The following SAMD5 variants were observed in gnomAD, a reference collection of about 807,000 sequenced individuals.
SAMD5 encodes sterile alpha motif domain containing 5, also known as sterile alpha motif domain-containing protein 5.
A neutral mutation model predicts 11.3 loss-of-function variants in SAMD5; 13 were observed. The observed-to-expected ratio is 1.15, with a 90% CI of 0.75 to 1.83. The LOEUF (loss-of-function observed/expected upper bound fraction) is 1.83, where lower values mean the gene tolerates loss of function less well. Among genes scored for constraint, SAMD5 ranks in the 40% most tolerant of loss-of-function variants. The pLI, the probability that SAMD5 is intolerant of heterozygous loss-of-function variation, is 0.00. For synonymous variants in SAMD5, 129 were observed against 111.3 expected (o/e 1.16, Z -1.00); for missense variants, 255 against 239.1 (o/e 1.07, Z -0.44).
chr6:147,622,940 A>G (rs1250516309), intron 1 of SAMD5, among the ~76,000 whole-genome samples: 1 of 152,186 alleles, frequency 6.6e-6, no homozygotes, highest in African/African-American at 2.4e-5. Context: ...TAAAACCATC[A>G]GACCTTGTGA....
At chr6:147,654,194 G>A (rs1191633727) in intron 1 of SAMD5, among the ~76,000 whole-genome samples, 3 of 152,148 alleles carry the variant, frequency 2.0e-5, no homozygotes, top group Non-Finnish European at 4.4e-5. Context: ...AGCCATAAAA[G>A]GAACAATGTT....
chr6:147,806,324 A>G, the SAMD5 span, among the ~76,000 whole-genome samples: 2 of 152,208 alleles, frequency 1.3e-5, no homozygotes, highest in East Asian at 1.9e-4. Flanking sequence ...GCGCGCACAC[A>G]CACACACACT....
At chr6:147,726,853 T>C (rs1456679050) in intron 1 of SAMD5, among the ~76,000 whole-genome samples, 1 of 152,224 alleles carries the variant, frequency 6.6e-6, no homozygotes, top group African/African-American at 2.4e-5. Context: ...AACAGCTCCA[T>C]GCTATTATTT....
intron 1 of SAMD5, among the ~76,000 whole-genome samples, chr6:147,547,089 T>G (rs1788699050): frequency 6.6e-6 from 1 of 152,232 alleles, no homozygotes; most frequent in African/African-American, 2.4e-5. Context: ...CTCTTTTCTT[T>G]TGTGAGAATT....
chr6:147,613,658 T>C (rs914558777), intron 1 of SAMD5, among the ~76,000 whole-genome samples: 2 of 151,242 alleles, frequency 1.3e-5, no homozygotes, highest in African/African-American at 4.9e-5. Flanking sequence ...AATGGACATA[T>C]AAGGCAGAGA....
At chr6:147,677,473 TGA>T (rs939175608) in intron 1 of SAMD5, among the ~76,000 whole-genome samples, 19 of 151,990 alleles carry the variant, frequency 1.3e-4, no homozygotes. Context: ...ACTTTGAGCT[TGA>T]GGAAAATTAA....
At chr6:147,941,410 G>C in the SAMD5 span, among the ~76,000 whole-genome samples, 3 of 152,202 alleles carry the variant, frequency 2.0e-5, no homozygotes, top group Non-Finnish European at 2.9e-5. Flanking sequence ...TATGAAGCTG[G>C]AACCCTCCCT....
the SAMD5 span, among the ~76,000 whole-genome samples, chr6:147,928,127 C>G: frequency 3.9e-5 from 6 of 152,098 alleles, no homozygotes; most frequent in East Asian, 1.2e-3. Context: ...CTGATGTGTT[C>G]TTTTTTTGGT....
intron 1 of SAMD5, among the ~76,000 whole-genome samples, chr6:147,634,753 G>A (rs1790200515): frequency 1.3e-5 from 2 of 152,146 alleles, no homozygotes; most frequent in African/African-American, 4.8e-5. Flanking sequence ...ATTCGATACT[G>A]TTGAACTGAT....
intron 1 of SAMD5, among the ~76,000 whole-genome samples, chr6:147,583,614 G>T (rs1221857083): frequency 6.6e-6 from 1 of 152,150 alleles, no homozygotes; most frequent in Non-Finnish European, 1.5e-5. Flanking sequence ...CTACTTGGAA[G>T]ATAGATCTAG....
At chr6:147,918,191 A>G in the SAMD5 span, among the ~76,000 whole-genome samples, 1 of 152,158 alleles carries the variant, frequency 6.6e-6, no homozygotes, top group Non-Finnish European at 1.5e-5. Flanking sequence ...CTTCCTAACC[A>G]TGAGCATGGA....
At chr6:147,681,436 C>T (rs1178164771) in intron 1 of SAMD5, among the ~76,000 whole-genome samples, 1 of 151,944 alleles carries the variant, frequency 6.6e-6, no homozygotes, top group African/African-American at 2.4e-5. Flanking sequence ...CAGTTGTTCC[C>T]TGTTTTCTTG....
chr6:147,645,151 C>A (rs1357179701), intron 1 of SAMD5, among the ~76,000 whole-genome samples: 1 of 152,106 alleles, frequency 6.6e-6, no homozygotes, highest in Non-Finnish European at 1.5e-5. Flanking sequence ...CAGGCTGGGG[C>A]AACCCCACAC....
chr6:147,530,088 T>C lies in SAMD5; in HGVS notation c.459+20701T>C, dbSNP rs547279732. Among the ~76,000 whole-genome samples the C allele has an allele frequency of 7.3e-3, 1,110 of 152,308 alleles. 7 individuals are homozygous for C. The highest frequency in any genetic ancestry group is 0.011 in the Non-Finnish European group (751 of 68,022). On this transcript the variant is annotated intron_variant, in intron 1 of 1. Transcript: ENST00000367474. ...TTTACCATATATGGGGACGATTTTT[T>C]CCCCCTGGTATTTAGGCTTTGCGTA...
At chr6:147,664,260 A>C (rs187603787) in intron 1 of SAMD5, among the ~76,000 whole-genome samples, 2 of 152,280 alleles carry the variant, frequency 1.3e-5, no homozygotes, top group African/African-American at 2.4e-5. Context: ...GAGACTAAAA[A>C]ATCTGATTTT....
At chr6:147,776,720 C>T in the SAMD5 span, among the ~76,000 whole-genome samples, 10 of 152,108 alleles carry the variant, frequency 6.6e-5, no homozygotes, top group Non-Finnish European at 1.2e-4. Context: ...CACAAGAATA[C>T]TTAAAGTATT....
chr6:147,724,709 T>C (rs1279365301), intron 1 of SAMD5, among the ~76,000 whole-genome samples: 1 of 151,994 alleles, frequency 6.6e-6, no homozygotes, highest in East Asian at 1.9e-4. Flanking sequence ...ATGATGGAGA[T>C]GGGGGAAGGG....
At chr6:147,663,481 TC>T (rs1790673777) in intron 1 of SAMD5, among the ~76,000 whole-genome samples, 1 of 151,660 alleles carries the variant, frequency 6.6e-6, no homozygotes. Flanking sequence ...TAAAAGTTAA[TC>T]AAAAAAGAAA....
At chr6:147,661,811 C>A (rs1231075997) in intron 1 of SAMD5, among the ~76,000 whole-genome samples, 1 of 151,618 alleles carries the variant, frequency 6.6e-6, no homozygotes, top group Non-Finnish European at 1.5e-5. Context: ...TTGTATTTTT[C>A]GTAGAAACGG....
Sources: allele counts gnomAD v4.1 joint callset (sites outside exome capture counted in the v4.1 genomes callset), GRCh38; gene constraint gnomAD v4.1.1; transcripts MANE v1.5; gene names NCBI Gene and HGNC (gene_info 2026-07-23, HGNC 2026-07-21).